KIF16B: variants seen among roughly 807,000 people sequenced by gnomAD.
The protein encoded by KIF16B is kinesin-like protein KIF16B.
In KIF16B, 98 loss-of-function variants were observed where a neutral mutation model predicts 156.3. The ratio of observed to expected loss-of-function variants is 0.63; its 90% confidence interval spans 0.53 to 0.74. KIF16B has a LOEUF of 0.74. Ranked by LOEUF, KIF16B falls within the 30% of genes least tolerant of loss-of-function variation. The pLI is 0.00. For synonymous variants in KIF16B, 564 were observed against 583.7 expected (o/e 0.97, Z 0.49); for missense variants, 1,421 against 1,606.5 (o/e 0.88, Z 1.97).
chr20:16,508,512 T>C lies in KIF16B; in HGVS notation c.557-412A>G, dbSNP rs184487669. ...TTCCACACCTCAGATGATAAGGCAT[T>C]GGTTATATTCTCATTAGGAGCACAC... On this transcript the variant is annotated intron_variant, in intron 6 of 25. Transcript: ENST00000354981. 9.2e-5 allele frequency among the ~76,000 whole-genome samples: 14 copies of C among 152,292 alleles called. No homozygotes were observed. In the East Asian group the frequency reaches 2.7e-3, roughly 29 times the overall value.
chr20:16,548,772 C>G (rs2070511841), intron 1 of KIF16B, among the ~76,000 whole-genome samples: 1 of 152,084 alleles, frequency 6.6e-6, no homozygotes, highest in Non-Finnish European at 1.5e-5. Context: ...TTTCCATACC[C>G]CAGGAGACAG....
At chr20:16,566,283 C>G (rs2071250471) in intron 1 of KIF16B, among the ~76,000 whole-genome samples, 1 of 152,206 alleles carries the variant, frequency 6.6e-6, no homozygotes, top group Non-Finnish European at 1.5e-5. Flanking sequence ...AGCACTCAGA[C>G]AGACATCTTG....
intron 6 of KIF16B, among the ~76,000 whole-genome samples, chr20:16,509,705 A>G (rs1173583859): frequency 6.6e-6 from 1 of 152,216 alleles, no homozygotes; most frequent in Admixed American, 6.5e-5. Flanking sequence ...CTCTTTATAT[A>G]GTAGGAAAAT....
intron 12 of KIF16B, among the ~76,000 whole-genome samples, chr20:16,483,179 G>T (rs1391026850): frequency 2.0e-5 from 3 of 152,168 alleles, no homozygotes; most frequent in Non-Finnish European, 2.9e-5. Flanking sequence ...AGGGTAGACA[G>T]CCTGAGGAGT....
chr20:16,318,791 T>G (rs1363879164), intron 24 of KIF16B, among the ~76,000 whole-genome samples: 1 of 152,084 alleles, frequency 6.6e-6, no homozygotes, highest in Non-Finnish European at 1.5e-5. Context: ...TCAGAATAAT[T>G]CCAAATAATT....
chr20:16,383,989 A>G (rs924866382), intron 17 of KIF16B, among the ~76,000 whole-genome samples: 1 of 152,196 alleles, frequency 6.6e-6, no homozygotes, highest in Non-Finnish European at 1.5e-5. Context: ...CTTAGAAAGC[A>G]TATTTCTTAT....
intron 1 of KIF16B, 93 bp downstream of exon 1, chr20:16,573,136 T>G (rs1312739469): frequency 1.4e-5 from 18 of 1,302,728 alleles, no homozygotes; most frequent in Non-Finnish European, 1.9e-5. Context: ...CCGGTGACAC[T>G]TTTAAGTCCA....
rs192151309 is a variant in KIF16B, at chr20:16,546,609, C to T, written c.48-18169G>A. On this transcript the variant is annotated intron_variant, in intron 1 of 25. Coordinates refer to ENST00000354981, the MANE Select transcript of KIF16B (RefSeq NM_024704.5). ...AAATAAATGTTGCCAAGTCTTCTGCCCAGATATCATGAAAATACAGAAGCA... is the reference window on the plus strand; with the variant it reads ...AAATAAATGTTGCCAAGTCTTCTGCTCAGATATCATGAAAATACAGAAGCA... Among the ~76,000 whole-genome samples the T allele has an allele frequency of 2.2e-4, 34 of 152,140 alleles. 1 individual carries two copies. In the East Asian group the frequency reaches 6.6e-3, roughly 29 times the overall value.
chr20:16,324,305 G>T (rs1415327094), intron 24 of KIF16B, among the ~76,000 whole-genome samples: 1 of 151,898 alleles, frequency 6.6e-6, no homozygotes, highest in Non-Finnish European at 1.5e-5. Context: ...GCCATGGAGA[G>T]GGAGGTTCAG....
At chr20:16,446,047 A>C (rs141910512) in intron 12 of KIF16B, among the ~76,000 whole-genome samples, 2 of 152,210 alleles carry the variant, frequency 1.3e-5, no homozygotes, top group South Asian at 4.1e-4. Context: ...TGGACAGCCT[A>C]TGAGAGTGCA....
intron 12 of KIF16B, among the ~76,000 whole-genome samples, chr20:16,453,339 A>T (rs1412295583): frequency 1.3e-5 from 2 of 152,196 alleles, no homozygotes; most frequent in African/African-American, 4.8e-5. Flanking sequence ...CTAGAGAAAA[A>T]ATTTCTAATT....
intron 1 of KIF16B, among the ~76,000 whole-genome samples, chr20:16,568,433 C>T (rs1294878574): frequency 6.6e-6 from 1 of 152,184 alleles, no homozygotes; most frequent in Non-Finnish European, 1.5e-5. Flanking sequence ...AACAAGCACT[C>T]TTCAGGGAGC....
rs113162672 is a variant in KIF16B at position 16,312,310 on chromosome 20, A to G, written c.3795+25T>C. ...GATGGTACATTTTCTACATACACAG[A>G]GGAAAAACAGCTTAATTCTGTTACC... On this transcript the variant is annotated intron_variant, in intron 25 of 25. Transcript: ENST00000354981. 1.9e-6 allele frequency: 3 copies of G among 1,548,902 alleles called. No individual in the cohort carries two copies. The South Asian group carries it at 3.4e-5, about 17-fold the overall frequency.
intron 12 of KIF16B, among the ~76,000 whole-genome samples, chr20:16,441,450 A>G (rs1433085210): frequency 6.6e-6 from 1 of 152,174 alleles, no homozygotes; most frequent in Non-Finnish European, 1.5e-5. Context: ...TATCAGGCCT[A>G]ATCGCATGGA....
chr20:16,561,415 G>T (rs971425976), intron 1 of KIF16B, among the ~76,000 whole-genome samples: 1 of 152,006 alleles, frequency 6.6e-6, no homozygotes, highest in African/African-American at 2.4e-5. Context: ...AAACATAAGC[G>T]CCCTTCATTT....
At chr20:16,430,991 C>A (rs2066484671) in intron 12 of KIF16B, among the ~76,000 whole-genome samples, 1 of 151,996 alleles carries the variant, frequency 6.6e-6, no homozygotes, top group Non-Finnish European at 1.5e-5. Flanking sequence ...CTCTGCCTCC[C>A]AAACCTGCAG....
intron 1 of KIF16B, among the ~76,000 whole-genome samples, chr20:16,547,423 C>T (rs1036812052): frequency 2.0e-5 from 3 of 152,214 alleles, no homozygotes; most frequent in African/African-American, 7.2e-5. Flanking sequence ...CAAGGAGAGA[C>T]CTGACTTTGG....
At chr20:16,373,707 T>A (rs1193589735) in intron 20 of KIF16B, among the ~76,000 whole-genome samples, 1 of 152,244 alleles carries the variant, frequency 6.6e-6, no homozygotes, top group Non-Finnish European at 1.5e-5. Context: ...TGCCTCACTT[T>A]GTGCTGGATG....
chr20:16,354,945 CA>C lies in KIF16B; in HGVS notation c.3621+1384del, dbSNP rs956456238. ...TGGGCAACAGAGTGAGACTCCATCT[CA>C]AAAAAAAAAGAGTAACAGCAACAAC... On this transcript the variant is annotated intron_variant, in intron 23 of 25. Transcript: ENST00000354981. 1.9e-3 allele frequency among the ~76,000 whole-genome samples: 276 copies of C among 144,202 alleles called. 2 individuals carry two copies. The highest frequency in any genetic ancestry group is 2.1e-3 in the Non-Finnish European group (135 of 65,774). 94.6% of individuals were successfully genotyped at this position (144,202 alleles called of 152,430 possible).
Sources: gnomAD v4.1 joint callset for allele counts (sites outside exome capture counted in the v4.1 genomes callset) on GRCh38, gnomAD v4.1.1 for gene constraint, MANE v1.5 for transcripts, NCBI Gene and HGNC (gene_info 2026-07-23, HGNC 2026-07-21) for gene names.